The following CSMD1 variants were observed in gnomAD, a reference collection of about 807,000 sequenced individuals.
The protein encoded by CSMD1 is CUB and Sushi multiple domains 1, also known as CUB and sushi domain-containing protein 1.
A neutral mutation model predicts 417.5 loss-of-function variants in CSMD1; 213 were observed. The ratio of observed to expected loss-of-function variants is 0.51; its 90% CI spans 0.46 to 0.57. The LOEUF (loss-of-function observed/expected upper bound fraction) is 0.57, where lower values mean the gene tolerates loss of function less well. Ranked by LOEUF, CSMD1 falls within the 20% of genes least tolerant of loss-of-function variation. CSMD1 has a pLI of 0.00. For missense variants in CSMD1, 6,923 were observed against 4,529.7 expected (o/e 1.53, Z -15.17); for synonymous variants, 2,862 against 1,736.8 (o/e 1.65, Z -16.11).
At chr8:3,572,514 G>C (rs1040246209) in intron 10 of CSMD1, among the ~76,000 whole-genome samples, 6 of 152,142 alleles carry the variant, frequency 3.9e-5, no homozygotes, top group African/African-American at 1.4e-4. Flanking sequence ...TAAAATTTGT[G>C]ATAGATTCAT....
intron 5 of CSMD1, among the ~76,000 whole-genome samples, chr8:3,896,079 T>G (rs973976036): frequency 2.6e-5 from 4 of 152,178 alleles, no homozygotes; most frequent in African/African-American, 9.7e-5. Context: ...TGATTTCCAT[T>G]TACACCTCTG....
At chr8:3,003,668 A>T (rs1037476130) in intron 52 of CSMD1, among the ~76,000 whole-genome samples, 16 of 152,182 alleles carry the variant, frequency 1.1e-4, no homozygotes, top group Non-Finnish European at 1.5e-4. Context: ...GCAGAGGGTA[A>T]ACGCAGAGGA....
intron 1 of CSMD1, among the ~76,000 whole-genome samples, chr8:4,888,530 G>T (rs936589095): frequency 6.6e-6 from 1 of 150,884 alleles, no homozygotes; most frequent in Non-Finnish European, 1.5e-5. Flanking sequence ...AGAGAGAGAG[G>T]TATGTGTGTG....
intron 35 of CSMD1, among the ~76,000 whole-genome samples, chr8:3,188,508 T>C (rs1037591749): frequency 1.3e-5 from 2 of 151,896 alleles, no homozygotes; most frequent in Non-Finnish European, 2.9e-5. Flanking sequence ...GGTTTCACCA[T>C]GTTGGCCAGG....
chr8:4,261,741 C>G (rs990848235), intron 3 of CSMD1, among the ~76,000 whole-genome samples: 2 of 152,008 alleles, frequency 1.3e-5, no homozygotes, highest in Non-Finnish European at 2.9e-5. Context: ...CCATCACACA[C>G]AGAAAAATGT....
chr8:4,605,398 G>A (rs1022112745), intron 2 of CSMD1, among the ~76,000 whole-genome samples: 3 of 152,106 alleles, frequency 2.0e-5, no homozygotes, highest in African/African-American at 7.2e-5. Flanking sequence ...TATAGATAAA[G>A]AATTGGAGGA....
chr8:3,857,778 A>G (rs888077838), intron 5 of CSMD1, among the ~76,000 whole-genome samples: 8 of 152,184 alleles, frequency 5.3e-5, no homozygotes, highest in Admixed American at 2.0e-4. Context: ...AGAGAGATGC[A>G]ATGGGGGAAA....
chr8:2,967,306 A>G (rs1400530236), intron 57 of CSMD1, among the ~76,000 whole-genome samples: 1 of 152,182 alleles, frequency 6.6e-6, no homozygotes, highest in African/African-American at 2.4e-5. Flanking sequence ...GTCCTCAATA[A>G]TTACCAGCTC....
chr8:4,116,060 G>C lies in CSMD1; in HGVS notation c.416-83961C>G, dbSNP rs115811197. ...CTGTCTCCCAGGCTAGATTGTAGTG[G>C]CAATCTTGGCTCACTGCAACCTCCG... On this transcript the variant is annotated intron_variant, in intron 3 of 69. Transcript: ENST00000635120. Among the ~76,000 whole-genome samples, 1,039 of 151,676 alleles carry C rather than the reference G, an allele frequency of 6.9e-3. 9 individuals carry two copies. The highest frequency in any genetic ancestry group is 0.024 in the African/African-American group (991 of 41,334).
intron 3 of CSMD1, among the ~76,000 whole-genome samples, chr8:4,079,928 G>C (rs1241794089): frequency 1.3e-5 from 2 of 151,670 alleles, no homozygotes; most frequent in Middle Eastern, 3.4e-3. Flanking sequence ...CCTTTTCTCA[G>C]TGTCTTCTCA....
At chr8:3,909,530 G>T (rs151201704) in intron 5 of CSMD1, among the ~76,000 whole-genome samples, 1 of 152,078 alleles carries the variant, frequency 6.6e-6, no homozygotes, top group Non-Finnish European at 1.5e-5. Context: ...CAGCGTGGTC[G>T]CTCTCCCCAG....
At chr8:4,858,473 T>A (rs1419598514) in intron 1 of CSMD1, among the ~76,000 whole-genome samples, 6 of 151,128 alleles carry the variant, frequency 4.0e-5, no homozygotes, top group South Asian at 2.1e-4. Context: ...GGAAGTCAAA[T>A]TGTCCCTGTT....
At chr8:4,394,164 C>T (rs1804049305) in intron 3 of CSMD1, among the ~76,000 whole-genome samples, 1 of 152,142 alleles carries the variant, frequency 6.6e-6, no homozygotes, top group Non-Finnish European at 1.5e-5. Flanking sequence ...TTTGAACTAT[C>T]ATCCAACATA....
chr8:4,927,288 C>T (rs1806936400), intron 1 of CSMD1, among the ~76,000 whole-genome samples: 7 of 151,936 alleles, frequency 4.6e-5, no homozygotes, highest in Admixed American at 4.6e-4. Flanking sequence ...GAACTCCCGT[C>T]CTCAAGCGAT....
intron 5 of CSMD1, among the ~76,000 whole-genome samples, chr8:3,917,408 T>C (rs1808903812): frequency 8.5e-6 from 1 of 117,440 alleles, no homozygotes; most frequent in Non-Finnish European, 1.8e-5. Context: ...GGTTTGGTTA[T>C]ACCACGAAAC....
chr8:4,481,923 A>G (rs1585146262), intron 2 of CSMD1, among the ~76,000 whole-genome samples: 1 of 152,164 alleles, frequency 6.6e-6, no homozygotes, highest in African/African-American at 2.4e-5. Context: ...AGGTGTGGAA[A>G]CAACAGAATG....
At chr8:4,866,314 T>A (rs148238255) in intron 1 of CSMD1, among the ~76,000 whole-genome samples, 1 of 152,024 alleles carries the variant, frequency 6.6e-6, no homozygotes, top group Non-Finnish European at 1.5e-5. Flanking sequence ...TAGTGATCTA[T>A]TGACTTCTCC....
At chr8:4,855,072 C>G (rs556915075) in intron 1 of CSMD1, among the ~76,000 whole-genome samples, 8 of 152,146 alleles carry the variant, frequency 5.3e-5, no homozygotes, top group South Asian at 2.1e-4. Context: ...GATCTGAGAA[C>G]GGGCAGACTG....
intron 3 of CSMD1, among the ~76,000 whole-genome samples, chr8:4,347,691 A>G (rs1240437680): frequency 6.6e-6 from 1 of 152,196 alleles, no homozygotes; most frequent in African/African-American, 2.4e-5. Context: ...TCCTATTACT[A>G]CAAACATCCC....
Sources: allele counts gnomAD v4.1 joint callset (sites outside exome capture counted in the v4.1 genomes callset), GRCh38; gene constraint gnomAD v4.1.1; transcripts MANE v1.5; gene names NCBI Gene and HGNC (gene_info 2026-07-23, HGNC 2026-07-21).